The following SPECC1L variants were observed in gnomAD, a reference collection of about 807,000 sequenced individuals.
SPECC1L encodes cytospin-A.
In SPECC1L, 40 loss-of-function variants were observed where a neutral mutation model predicts 116.8. That is an observed-to-expected ratio of 0.34 (90% CI 0.27 to 0.45). The LOEUF is 0.45. SPECC1L is among the 20% of genes least tolerant of loss of function. The pLI is 1.00. For synonymous variants in SPECC1L, 504 were observed against 500.6 expected, an observed-to-expected ratio of 1.01 and a Z score of -0.09; for missense variants, 1,110 against 1,373.6, an observed-to-expected ratio of 0.81 and a Z score of 3.03.
rs556874593 is a variant in SPECC1L at position 24,386,481 on chromosome 22, G to T, written c.3087+17161G>T. Reference sequence around the variant, plus strand: ...TAAGAGGTATAAAATTGGAAAGAAAGAAATAAAATTGTTTCCAGACATGAG... The same window carrying T: ...TAAGAGGTATAAAATTGGAAAGAAATAAATAAAATTGTTTCCAGACATGAG... On this transcript the variant is annotated intron_variant, in intron 14 of 16. Transcript: ENST00000314328. Among the ~76,000 whole-genome samples the T allele has an allele frequency of 6.1e-4, 93 of 152,132 alleles. 1 individual carries two copies. In the Middle Eastern group the frequency reaches 0.024, roughly 39 times the overall value.
intron 11 of SPECC1L, among the ~76,000 whole-genome samples, chr22:24,360,413 T>G (rs573526723): frequency 1.3e-5 from 2 of 152,150 alleles, no homozygotes; most frequent in Non-Finnish European, 2.9e-5. Flanking sequence ...TCTCAGTGCG[T>G]TTTTGTGTAT....
chr22:24,381,755 G>C (rs919576559), intron 14 of SPECC1L, among the ~76,000 whole-genome samples: 29 of 152,214 alleles, frequency 1.9e-4, no homozygotes, highest in African/African-American at 7.0e-4. Flanking sequence ...GTGGTGGCAG[G>C]CGCCTGTAGT....
intron 6 of SPECC1L, among the ~76,000 whole-genome samples, chr22:24,325,782 A>G (rs189082068): frequency 5.3e-5 from 8 of 152,250 alleles, no homozygotes; most frequent in African/African-American, 1.9e-4. Context: ...CAAAATGCCA[A>G]ATGTTAAAAG....
rs1236551870 is a variant in SPECC1L at position 24,341,025 on chromosome 22, G to T, written c.2652+2548G>T. 5.3e-5 allele frequency among the ~76,000 whole-genome samples: 8 copies of T among 152,292 alleles called. No individual in the cohort carries two copies. The East Asian group carries it at 1.5e-3, about 29-fold the overall frequency. ...ATTTTAAAATGAGGTAAGTCCTACT[G>T]TGGCCCACAGTCTTTTCCTGGAGGC... On this transcript the variant is annotated intron_variant, in intron 10 of 16. Transcript: ENST00000314328.
At chr22:24,390,875 T>TTCTTTTTTTC (rs577188559) in intron 14 of SPECC1L, among the ~76,000 whole-genome samples, 1 of 84,182 alleles carries the variant, frequency 1.2e-5, no homozygotes, top group African/African-American at 4.1e-5. Flanking sequence ...TTCTTTTCTT[T>TTCTTTTTTTC]TTTTTTTTTT....
chr22:24,297,462 C>CAT (rs377301828), intron 2 of SPECC1L, among the ~76,000 whole-genome samples: 43 of 151,752 alleles, frequency 2.8e-4, no homozygotes, highest in African/African-American at 9.2e-4. Flanking sequence ...GAACCGATAG[C>CAT]ATATATATAT....
intron 10 of SPECC1L, among the ~76,000 whole-genome samples, chr22:24,343,058 G>A (rs1234854032): frequency 1.3e-5 from 2 of 152,036 alleles, no homozygotes; most frequent in Non-Finnish European, 2.9e-5. Flanking sequence ...GACAGGCATG[G>A]TGGTGTGTGC....
chr22:24,390,856 T>TTTTTTTTTTC (rs1569445700), intron 14 of SPECC1L, among the ~76,000 whole-genome samples: 14 of 98,206 alleles, frequency 1.4e-4, no homozygotes, highest in African/African-American at 5.5e-4. Flanking sequence ...GTGTTCCTTT[T>TTTTTTTTTTC]TTTTTTTTTT....
At chr22:24,399,552 C>A (rs892994686) in intron 14 of SPECC1L, among the ~76,000 whole-genome samples, 1 of 150,806 alleles carries the variant, frequency 6.6e-6, no homozygotes, top group African/African-American at 2.4e-5. Flanking sequence ...GCCTGGGCGA[C>A]AAAGCGAGAC....
Position 24,321,310 on chromosome 22 carries a change from G to T in SPECC1L, c.330G>T (p.Arg110=), listed in dbSNP as rs1416725702. Residue 110 remains arginine, a synonymous_variant, in exon 5 of 17, where the codon CGG becomes CGT. Coordinates refer to ENST00000314328, the MANE Select transcript of SPECC1L (RefSeq NM_015330.6). ...ISTGTASSTK[R]STSTGNKESS... ...TAGGCACAGCTTCTTCAACCAAGCG[G>T]AGCACTTCTACAGGTAATAAAGAAT... 5 of 1,613,904 alleles carry T rather than the reference G, an allele frequency of 3.1e-6. No individual in the cohort carries two copies. Among genetic ancestry groups the T allele is most frequent in the Non-Finnish European group, 4.2e-6 (5 of 1,180,036 alleles).
At chr22:24,368,288 G>A (rs1241118006) in intron 13 of SPECC1L, among the ~76,000 whole-genome samples, 1 of 152,132 alleles carries the variant, frequency 6.6e-6, no homozygotes, top group Non-Finnish European at 1.5e-5. Flanking sequence ...GCCCTGTGTT[G>A]TTCACCTTCA....
chr22:24,310,654 T>A (rs2040444661), intron 3 of SPECC1L, among the ~76,000 whole-genome samples: 1 of 152,168 alleles, frequency 6.6e-6, no homozygotes, highest in African/African-American at 2.4e-5. Context: ...TTTTGTTCAT[T>A]TTTCTGTCTT....
intron 6 of SPECC1L, among the ~76,000 whole-genome samples, chr22:24,325,441 A>G (rs929660646): frequency 6.6e-6 from 1 of 152,154 alleles, no homozygotes; most frequent in African/African-American, 2.4e-5. Flanking sequence ...GACTGTAGAG[A>G]TTGTAAAGTT....
At chr22:24,377,431 T>C (rs374826560) in intron 14 of SPECC1L, among the ~76,000 whole-genome samples, 73 of 152,336 alleles carry the variant, frequency 4.8e-4, no homozygotes, top group African/African-American at 1.7e-3. Flanking sequence ...CCTGGTTTGT[T>C]GTAGACATTT....
At chr22:24,273,301 A>G (rs1402377853) in intron 1 of SPECC1L, among the ~76,000 whole-genome samples, 2 of 152,214 alleles carry the variant, frequency 1.3e-5, no homozygotes, top group Non-Finnish European at 2.9e-5. Flanking sequence ...TATTATGCAA[A>G]CTGCTCAGCT....
intron 3 of SPECC1L, among the ~76,000 whole-genome samples, chr22:24,310,468 C>G (rs1318687334): frequency 1.3e-5 from 2 of 152,190 alleles, no homozygotes; most frequent in Non-Finnish European, 2.9e-5. Flanking sequence ...CAAGGTGCAT[C>G]CCATCAGCAA....
At chr22:24,331,605 A>AC (rs1213523777) in intron 8 of SPECC1L, among the ~76,000 whole-genome samples, 1 of 152,200 alleles carries the variant, frequency 6.6e-6, no homozygotes, top group East Asian at 1.9e-4. Flanking sequence ...ATCTTGTAGG[A>AC]CAGTGGTTCT....
intron 1 of SPECC1L, among the ~76,000 whole-genome samples, 197 bp downstream of exon 1, chr22:24,271,180 C>G (rs1222004049): frequency 6.6e-6 from 1 of 152,246 alleles, no homozygotes; most frequent in African/African-American, 2.4e-5. Flanking sequence ...TTCTGGGCTT[C>G]GGGGCTTCTG....
chr22:24,356,113 T>C (rs2041528084), intron 11 of SPECC1L, among the ~76,000 whole-genome samples: 1 of 152,204 alleles, frequency 6.6e-6, no homozygotes, highest in African/African-American at 2.4e-5. Context: ...TAAGTCTGGC[T>C]TCTCTCACTT....
Sources: allele counts gnomAD v4.1 joint callset (sites outside exome capture counted in the v4.1 genomes callset), GRCh38; gene constraint gnomAD v4.1.1; transcripts MANE v1.5; gene names NCBI Gene and HGNC (gene_info 2026-07-23, HGNC 2026-07-21).